PTPRG: variants seen among roughly 807,000 people sequenced by gnomAD.
PTPRG encodes the protein receptor-type tyrosine-protein phosphatase gamma.
A neutral mutation model predicts 165.3 loss-of-function variants in PTPRG; 102 were observed. That is an observed-to-expected ratio of 0.62 (90% CI 0.53 to 0.73). PTPRG has a LOEUF of 0.73. Among genes scored for constraint, PTPRG ranks in the 30% least tolerant of loss-of-function variants. PTPRG has a pLI of 0.00. For missense variants in PTPRG, 1,866 were observed against 1,861.4 expected (o/e 1.00, Z -0.05); for synonymous variants, 675 against 669.5 (o/e 1.01, Z -0.13).
At chr3:61,778,858 A>G (rs945027106) in intron 2 of PTPRG, among the ~76,000 whole-genome samples, 1 of 152,108 alleles carries the variant, frequency 6.6e-6, no homozygotes, top group Non-Finnish European at 1.5e-5. Flanking sequence ...GTGGTGGGAA[A>G]AGCACATGGT....
chr3:62,186,999 A>G (rs1188174418), intron 8 of PTPRG, among the ~76,000 whole-genome samples: 1 of 152,248 alleles, frequency 6.6e-6, no homozygotes, highest in Non-Finnish European at 1.5e-5. Flanking sequence ...ACCACGGGAA[A>G]GACTAAGGCT....
Position 62,237,844 on chromosome 3 carries a change from G to T in PTPRG, c.2376-5963G>T, listed in dbSNP as rs981552448. On this transcript the variant is annotated intron_variant, in intron 14 of 29. Transcript: ENST00000474889. This position sits in a 1 kb window ranked among gnomAD's most constrained non-coding sequence, Gnocchi z 4.5. ...TGCTAACCAGATGCCATACAGATTTGATCAGCTACTATCACACATTACCCT... is the reference window on the plus strand; with the variant it reads ...TGCTAACCAGATGCCATACAGATTTTATCAGCTACTATCACACATTACCCT... 2.0e-5 allele frequency among the ~76,000 whole-genome samples: 3 copies of T among 152,134 alleles called. No homozygotes were observed. Among genetic ancestry groups the T allele is most frequent in the Admixed American group, 6.5e-5 (1 of 15,274 alleles).
intron 8 of PTPRG, among the ~76,000 whole-genome samples, chr3:62,183,252 C>G (rs901283245): frequency 6.6e-6 from 1 of 152,132 alleles, no homozygotes. Flanking sequence ...TCAGATAGGA[C>G]TCGTTACTAT....
intron 1 of PTPRG, among the ~76,000 whole-genome samples, chr3:61,733,859 G>A (rs746228204): frequency 2.0e-5 from 3 of 152,158 alleles, no homozygotes; most frequent in Non-Finnish European, 4.4e-5. Context: ...ATGCAGTGGT[G>A]TAATCTCAGC....
intron 4 of PTPRG, among the ~76,000 whole-genome samples, chr3:62,021,097 G>A (rs1240232581): frequency 6.6e-6 from 1 of 151,646 alleles, no homozygotes; most frequent in African/African-American, 2.4e-5. Context: ...TCCCTCATCA[G>A]TAAAATGACT....
At chr3:62,103,083 C>A (rs1702346734) in intron 5 of PTPRG, among the ~76,000 whole-genome samples, 1 of 152,134 alleles carries the variant, frequency 6.6e-6, no homozygotes, top group South Asian at 2.1e-4. Context: ...GATTTTTGAA[C>A]CTATAAAATC....
chr3:61,595,330 T>A (rs1257261750), intron 1 of PTPRG, among the ~76,000 whole-genome samples: 1 of 152,174 alleles, frequency 6.6e-6, no homozygotes, highest in Non-Finnish European at 1.5e-5. Flanking sequence ...TTATATAGTG[T>A]TACGTAGCTG....
chr3:61,667,993 T>C (rs1702856219), intron 1 of PTPRG, among the ~76,000 whole-genome samples: 1 of 152,154 alleles, frequency 6.6e-6, no homozygotes, highest in Non-Finnish European at 1.5e-5. Flanking sequence ...ATAGAGCCCC[T>C]GCTATTTGTT....
chr3:61,770,677 G>C (rs1034570178), intron 2 of PTPRG: 11 of 152,044 alleles, frequency 7.2e-5, no homozygotes, highest in African/African-American at 2.2e-4. Flanking sequence ...ATTTGAGACT[G>C]ACTCTTAAAA....
At chr3:61,578,283 G>A (rs758438851) in intron 1 of PTPRG, among the ~76,000 whole-genome samples, 13 of 152,210 alleles carry the variant, frequency 8.5e-5, no homozygotes, top group Admixed American at 7.9e-4. Context: ...GATTGCACAC[G>A]GCCTGCGGAA....
At chr3:62,081,262 AAAC>A (rs879803470) in intron 5 of PTPRG, among the ~76,000 whole-genome samples, 675 of 31,758 alleles carry the variant, frequency 0.021, 20 homozygotes, top group East Asian at 0.034. Flanking sequence ...GTCTCAAAAC[AAAC>A]AAACAAACAA....
At chr3:62,010,438 A>G (rs1360785893) in intron 4 of PTPRG, among the ~76,000 whole-genome samples, 4 of 151,378 alleles carry the variant, frequency 2.6e-5, no homozygotes, top group Non-Finnish European at 5.9e-5. Flanking sequence ...GTAAGTTTAT[A>G]CTTTTCTCCT....
At chr3:61,827,460 C>T in intron 2 of PTPRG, among the ~76,000 whole-genome samples, 1 of 152,166 alleles carries the variant, frequency 6.6e-6, no homozygotes, top group African/African-American at 2.4e-5. Flanking sequence ...GGATCCCAGC[C>T]TCACTCATGG....
At chr3:61,579,190 T>C (rs75480011) in intron 1 of PTPRG, among the ~76,000 whole-genome samples, 11,839 of 152,268 alleles carry the variant, frequency 0.078, 642 homozygotes, top group Non-Finnish European at 0.11. Context: ...CACGGAACTT[T>C]GGCCAAGTTA....
At chr3:62,192,216 T>C (rs1699846584) in intron 9 of PTPRG, among the ~76,000 whole-genome samples, 1 of 151,962 alleles carries the variant, frequency 6.6e-6, no homozygotes, top group African/African-American at 2.4e-5. Flanking sequence ...ATTTTATCTC[T>C]TTTCTCAGAT....
chr3:62,005,221 A>G (rs761876433), intron 4 of PTPRG, among the ~76,000 whole-genome samples: 2 of 152,224 alleles, frequency 1.3e-5, no homozygotes, highest in African/African-American at 2.4e-5. Context: ...TCCTAGTCAC[A>G]ATAACGATAT....
intron 2 of PTPRG, among the ~76,000 whole-genome samples, chr3:61,899,623 G>T (rs953822870): frequency 6.6e-6 from 1 of 152,126 alleles, no homozygotes; most frequent in African/African-American, 2.4e-5. Flanking sequence ...ACCAGGAATG[G>T]GTCCCAAACC....
chr3:61,861,758 G>A (rs1406973908), intron 2 of PTPRG, among the ~76,000 whole-genome samples: 2 of 152,118 alleles, frequency 1.3e-5, no homozygotes, highest in South Asian at 2.1e-4. Context: ...TGGCATGGGG[G>A]CATTCCTCAG....
chr3:61,750,525 G>T (rs2033386417), intron 2 of PTPRG: 1 of 152,114 alleles, frequency 6.6e-6, no homozygotes, highest in African/African-American at 2.4e-5. Context: ...TGTATTTCTG[G>T]AATGCATTGT....
Sources: allele counts gnomAD v4.1 joint callset (sites outside exome capture counted in the v4.1 genomes callset), GRCh38; gene constraint gnomAD v4.1.1; non-coding constraint Gnocchi (gnomAD v3.1); transcripts MANE v1.5; gene names NCBI Gene and HGNC (gene_info 2026-07-23, HGNC 2026-07-21).